The following DAGLA variants were observed in gnomAD, a reference collection of about 807,000 sequenced individuals.
The protein encoded by DAGLA is diacylglycerol lipase alpha.
A neutral mutation model predicts 102.6 loss-of-function variants in DAGLA; 22 were observed. The observed-to-expected ratio is 0.21, with a 90% CI of 0.15 to 0.31. The LOEUF is 0.31. Among genes scored for constraint, DAGLA ranks in the 10% least tolerant of loss-of-function variants. The pLI is 1.00. For missense variants in DAGLA, 927 were observed against 1,446.6 expected, an observed-to-expected ratio of 0.64 and a Z score of 5.83; for synonymous variants, 578 against 628.9, an observed-to-expected ratio of 0.92 and a Z score of 1.21.
At chr11:61,688,348 C>T (rs960632798) in intron 1 of DAGLA, among the ~76,000 whole-genome samples, 1 of 151,278 alleles carries the variant, frequency 6.6e-6, no homozygotes, top group Non-Finnish European at 1.5e-5. Context: ...TAGGATTGCT[C>T]GTACATGAGA....
chr11:61,728,062 G>A, intron 6 of DAGLA, 91 bp from the exon 7 acceptor site: 2 of 1,481,568 alleles, frequency 1.3e-6, no homozygotes, highest in Admixed American at 1.7e-5. Flanking sequence ...ACCTGCTTCT[G>A]CAGCCTCCCA....
At chr11:61,694,770 T>A (rs1374419279) in intron 1 of DAGLA, among the ~76,000 whole-genome samples, 1 of 152,144 alleles carries the variant, frequency 6.6e-6, no homozygotes, top group African/African-American at 2.4e-5. Context: ...AGTAAACCCA[T>A]GGGATTCATG....
chr11:61,703,597 G>A (rs964862016), intron 1 of DAGLA, among the ~76,000 whole-genome samples: 26 of 152,236 alleles, frequency 1.7e-4, no homozygotes, highest in African/African-American at 2.2e-4. Context: ...GCAGGCCAAC[G>A]TAAGAGGGAG....
chr11:61,729,030 A>G (rs777497121), intron 8 of DAGLA, 22 bp downstream of exon 8: 14 of 1,604,046 alleles, frequency 8.7e-6, no homozygotes, highest in Non-Finnish European at 1.1e-5. Context: ...ATCAACTCTC[A>G]CCCCACCCCG....
chr11:61,744,501 C>T lies in DAGLA; in HGVS notation c.*12C>T, dbSNP rs1173372620. 10 of 1,528,426 alleles carry T rather than the reference C, an allele frequency of 6.5e-6. No homozygotes were observed. The highest frequency in any genetic ancestry group is 7.9e-6 in the Non-Finnish European group (9 of 1,136,508). 94.7% of individuals were successfully genotyped at this position (1,528,426 alleles called of 1,614,324 possible). On this transcript the variant is annotated 3_prime_UTR_variant, in exon 20 of 20. Coordinates refer to ENST00000257215, the MANE Select transcript of DAGLA (RefSeq NM_006133.3). The stretch of plus-strand genomic sequence containing the variant: ...TCTCAGCACGCTAGCACCCCAGTTG[C>T]GTGGCCAGCCGGGCCCAGGCAGGAG...
intron 1 of DAGLA, 24 bp from the exon 2 acceptor site, chr11:61,720,088 A>G: frequency 1.9e-6 from 3 of 1,548,614 alleles, no homozygotes; most frequent in Admixed American, 1.7e-5. Context: ...TCAGGCAGCT[A>G]TAAGGTCCTC....
Position 61,737,221 on chromosome 11 carries a change from C to T in DAGLA, c.1411C>T (p.His471Tyr). The change falls in exon 14 of 20, where the codon CAC becomes TAC. Residue 471 changes from histidine to tyrosine, a missense_variant. Physicochemically the swap from His to Tyr is moderately conservative, Grantham distance 83 (BLOSUM62 2). This residue lies in a region of DAGLA where 218 missense variants were observed against 459.6 expected (regional missense o/e 0.47). Coordinates refer to ENST00000257215, the MANE Select transcript of DAGLA (RefSeq NM_006133.3). Reference sequence around the variant, plus strand: ...ACACTACGGCCTGATTGTGGTGGGCCACTCCCTGGGCGCGGGCACTGCTGC... The same window carrying T: ...ACACTACGGCCTGATTGTGGTGGGCTACTCCCTGGGCGCGGGCACTGCTGC... ...TKHYGLIVVG[H>Y]SLGAGTAAIL... 6.2e-7 allele frequency: 1 copy of T among 1,613,512 alleles called. No individual in the cohort carries two copies. The highest frequency in any genetic ancestry group is 2.2e-5 in the East Asian group (1 of 44,874).
chr11:61,726,879 A>T (rs1221339860), intron 6 of DAGLA, among the ~76,000 whole-genome samples: 1 of 152,220 alleles, frequency 6.6e-6, no homozygotes, highest in Non-Finnish European at 1.5e-5. Context: ...CAAGTGTAAG[A>T]AAGCCCCCGA....
intron 1 of DAGLA, 137 bp downstream of exon 1, chr11:61,680,641 G>C (rs1003420192): frequency 1.3e-5 from 2 of 150,730 alleles, no homozygotes; most frequent in African/African-American, 4.8e-5. Flanking sequence ...TGCCACGCGC[G>C]CCCGTGGCAG....
chr11:61,714,162 C>G (rs751922408), intron 1 of DAGLA, among the ~76,000 whole-genome samples: 1 of 152,188 alleles, frequency 6.6e-6, no homozygotes, highest in Non-Finnish European at 1.5e-5. Flanking sequence ...TGGACTCATC[C>G]TCCCGGCCCT....
At chr11:61,742,848 A>T (rs1459423223) in intron 19 of DAGLA, among the ~76,000 whole-genome samples, 1 of 141,878 alleles carries the variant, frequency 7.0e-6, no homozygotes, top group Non-Finnish European at 1.5e-5. Flanking sequence ...TGGCCTCATG[A>T]GTGACCTGGG....
intron 16 of DAGLA, 33 bp from the exon 17 acceptor site, chr11:61,739,432 C>T: frequency 6.2e-7 from 1 of 1,600,860 alleles, no homozygotes; most frequent in Non-Finnish European, 8.5e-7. Context: ...CTACTTAGCT[C>T]TGTCCCCATC....
chr11:61,681,655 G>T (rs2064943330), intron 1 of DAGLA, among the ~76,000 whole-genome samples: 2 of 152,062 alleles, frequency 1.3e-5, no homozygotes, highest in South Asian at 4.2e-4. Flanking sequence ...ATCGATTGGG[G>T]TATGCTTGAA....
rs574185952 is a variant in DAGLA, at chr11:61,742,087, A to G, written c.2171+738A>G. 2.0e-5 allele frequency among the ~76,000 whole-genome samples: 3 copies of G among 152,360 alleles called. No individual in the cohort carries two copies. In the East Asian group the frequency reaches 5.8e-4, roughly 29 times the overall value. On this transcript the variant is annotated intron_variant, in intron 19 of 19. Coordinates refer to ENST00000257215, the MANE Select transcript of DAGLA (RefSeq NM_006133.3). ...CACACACCAAGACAAAGGTGGAGAC[A>G]CATATACAAGGACACATGTGGACAG...
Position 61,743,522 on chromosome 11 carries a change from C to T in DAGLA, c.2172-10C>T, listed in dbSNP as rs753081177. On this transcript the variant is annotated splice_polypyrimidine_tract_variant and intron_variant, in intron 19 of 19. Transcript: ENST00000257215. ...AGTCTTATACCCCCTGCTCTCCTCT[C>T]CCTCTGCAGGAGCAAGTCCCAGTCT... 1.1e-5 allele frequency: 17 copies of T among 1,507,830 alleles called. No individual in the cohort carries two copies. Among genetic ancestry groups the T allele is most frequent in the South Asian group, 6.6e-5 (5 of 75,720 alleles). The allele number at this position is 1,507,830 out of a possible 1,614,324, so 93.4% of individuals were successfully genotyped here. A position where few individuals can be genotyped will look rare whatever the true frequency, so the allele number is the denominator to read the frequency against.
chr11:61,720,082 G>A lies in DAGLA; in HGVS notation c.-44-30G>A, dbSNP rs1231185342. On this transcript the variant is annotated intron_variant, in intron 1 of 19. Coordinates refer to ENST00000257215, the MANE Select transcript of DAGLA (RefSeq NM_006133.3). ...GCCCTGGGTGCCTTCACCTCCTCAGGCAGCTATAAGGTCCTCTGCTTTCTT... is the reference window on the plus strand; with the variant it reads ...GCCCTGGGTGCCTTCACCTCCTCAGACAGCTATAAGGTCCTCTGCTTTCTT... 11 of 1,519,276 alleles carry A rather than the reference G, an allele frequency of 7.2e-6. No individual in the cohort carries two copies. The East Asian group carries it at 2.0e-4, about 28-fold the overall frequency. The allele number at this position is 1,519,276 out of a possible 1,614,324, so 94.1% of individuals were successfully genotyped here.
chr11:61,731,531 G>A, intron 9 of DAGLA, 90 bp downstream of exon 9: 1 of 1,528,764 alleles, frequency 6.5e-7, no homozygotes. Flanking sequence ...CTACTGCTTT[G>A]CCCTGAATGG....
At chr11:61,710,008 A>G (rs1462903005) in intron 1 of DAGLA, among the ~76,000 whole-genome samples, 1 of 152,162 alleles carries the variant, frequency 6.6e-6, no homozygotes, top group Non-Finnish European at 1.5e-5. Flanking sequence ...ACCAGGGCTC[A>G]GGGTAGGCTG....
rs1043992973 is a variant in DAGLA at position 61,734,785 on chromosome 11, G to A, written c.975-64G>A. The A allele has an allele frequency of 6.6e-7, 1 of 1,506,168 alleles. No individual in the cohort carries two copies. 93.3% of individuals were successfully genotyped at this position (1,506,168 alleles called of 1,614,324 possible). A position where few individuals can be genotyped will look rare whatever the true frequency, so the allele number is the denominator to read the frequency against. ...AACTGGAACTGGTTCCAGGGACAGTGGCAGGAGACATTTGTTCCCTCGGGG... is the reference window on the plus strand; with the variant it reads ...AACTGGAACTGGTTCCAGGGACAGTAGCAGGAGACATTTGTTCCCTCGGGG... On this transcript the variant is annotated intron_variant, in intron 9 of 19. Coordinates refer to ENST00000257215, the MANE Select transcript of DAGLA (RefSeq NM_006133.3). This position sits in a 1 kb window ranked among gnomAD's most constrained non-coding sequence, Gnocchi z 4.2.
Sources: allele counts gnomAD v4.1 joint callset (sites outside exome capture counted in the v4.1 genomes callset), GRCh38; gene constraint gnomAD v4.1.1; regional missense constraint gnomAD v4.1.1; non-coding constraint Gnocchi (gnomAD v3.1); transcripts MANE v1.5; gene names NCBI Gene and HGNC (gene_info 2026-07-23, HGNC 2026-07-21).